TMEM185B: variants seen among roughly 807,000 people sequenced by gnomAD.
TMEM185B encodes transmembrane protein 185B, also known as ee3_2.
TMEM185B carries 9 observed loss-of-function variants against 26.2 expected under a neutral mutation model. The ratio of observed to expected loss-of-function variants is 0.34; its 90% CI spans 0.21 to 0.60. The LOEUF (loss-of-function observed/expected upper bound fraction) is 0.60. Among genes scored for constraint, TMEM185B ranks in the 20% least tolerant of loss-of-function variants. The probability of loss-of-function intolerance (pLI) is 0.80; values close to 1 mark genes in which losing one functional copy is unlikely to be tolerated. For missense variants in TMEM185B, 392 were observed against 447.9 expected (o/e 0.88, Z 1.13); for synonymous variants, 204 against 191.8 (o/e 1.06, Z -0.52).
Position 120,222,657 on chromosome 2 carries a change from C to T in TMEM185B, c.320G>A (p.Arg107Lys). 6.5e-7 allele frequency: 1 copy of T among 1,536,478 alleles called. No homozygotes were observed. The highest frequency in any genetic ancestry group is 2.0e-5 in the Admixed American group (1 of 51,002). The change falls in exon 1 of 1, where the codon AGG becomes AAG. Residue 107 changes from arginine (R) to lysine (K), a missense_variant. Coordinates refer to ENST00000426077, the MANE Select transcript of TMEM185B (RefSeq NM_024121.3). ...FEVLVCDRVE[R>K]GTHFWLLVFM... ...GACCAGCAGCCAGAAGTGGGTGCCC[C>T]TCTCCACCCTGTCGCAGACCAGGAC...
In TMEM185B at chr2:120,221,707, G is replaced by A. The variant is rs1402035717; in HGVS notation, c.*217C>T. 1.8e-6 allele frequency: 1 copy of A among 550,622 alleles called. No individual in the cohort carries two copies. Among genetic ancestry groups the A allele is most frequent in the East Asian group, 3.0e-5 (1 of 33,752 alleles). 34.1% of individuals were successfully genotyped at this position (550,622 alleles called of 1,614,324 possible). ...TTACTGCCCCCAGCTACACCTGAAA[G>A]TGCGAACCTGGAAAGCAAGTCTCTT... On this transcript the variant is annotated 3_prime_UTR_variant, in exon 1 of 1. Transcript: ENST00000426077.
Position 120,219,898 on chromosome 2 carries a change from G to A in TMEM185B, c.*2026C>T, listed in dbSNP as rs911537261. On this transcript the variant is annotated 3_prime_UTR_variant, in exon 1 of 1. Coordinates refer to ENST00000426077, the MANE Select transcript of TMEM185B (RefSeq NM_024121.3). ...CACTGCCTGGCACCATGCTTGGCTC[G>A]GGGTAGGTCTTCAAGAAATATTGAG... Among the ~76,000 whole-genome samples the A allele has an allele frequency of 6.6e-6, 1 of 152,204 alleles. No homozygotes were observed. The highest frequency in any genetic ancestry group is 1.5e-5 in the Non-Finnish European group (1 of 68,024).
At position 120,219,080 on chromosome 2, in the gene TMEM185B, C is replaced by T. The variant is rs111446501; in HGVS notation, c.*2844G>A. On this transcript the variant is annotated 3_prime_UTR_variant, in exon 1 of 1. Coordinates refer to ENST00000426077, the MANE Select transcript of TMEM185B (RefSeq NM_024121.3). ...CTGCTTCAACCAGGGACCCAGAATA[C>T]GGGACATGTTGTGGAGCAGACGTGA... Among the ~76,000 whole-genome samples the T allele has an allele frequency of 0.026, 3,914 of 152,260 alleles. 151 individuals carry two copies. Among genetic ancestry groups the T allele is most frequent in the African/African-American group, 0.089 (3,688 of 41,534 alleles).
chr2:120,217,524 A>G lies in TMEM185B; in HGVS notation c.*4400T>C, dbSNP rs1476502538. ...TCATCCATTTGAAGACTATACATCC[A>G]TTACATGTTACCTTAAAAAAATTTT... On this transcript the variant is annotated 3_prime_UTR_variant, in exon 1 of 1. Transcript: ENST00000426077. 6.6e-6 allele frequency among the ~76,000 whole-genome samples: 1 copy of G among 152,214 alleles called. No individual in the cohort carries two copies. The highest frequency in any genetic ancestry group is 1.5e-5 in the Non-Finnish European group (1 of 68,050).
Position 120,223,261 on chromosome 2 carries a change from C to T in TMEM185B, c.-285G>A, listed in dbSNP as rs1461758957. On this transcript the variant is annotated 5_prime_UTR_variant, in exon 1 of 1. Transcript: ENST00000426077. The stretch of plus-strand genomic sequence containing the variant: ...GGCGCTGCCTCGGTCCCGCCGCCGC[C>T]CGCGTTCACTCCGTACCCATCAAGA... 3 of 255,540 alleles carry T rather than the reference C, an allele frequency of 1.2e-5. No homozygotes were observed. The highest frequency in any genetic ancestry group is 4.5e-5 in the African/African-American group (2 of 44,826). 15.8% of individuals were successfully genotyped at this position (255,540 alleles called of 1,614,324 possible).
chr2:120,223,143 C>G lies in TMEM185B; in HGVS notation c.-167G>C, dbSNP rs1369442534. On this transcript the variant is annotated 5_prime_UTR_variant, in exon 1 of 1. Transcript: ENST00000426077. Reference sequence around the variant, plus strand: ...GGTTCGGAGCGGCGAAGCGGAGAGGCCGGAACACGTGCACGCGCGGTCACG... The same window carrying G: ...GGTTCGGAGCGGCGAAGCGGAGAGGGCGGAACACGTGCACGCGCGGTCACG... The G allele has an allele frequency of 2.2e-6, 1 of 465,000 alleles. No individual in the cohort carries two copies. The highest frequency in any genetic ancestry group is 3.5e-6 in the Non-Finnish European group (1 of 289,166). The allele number at this position is 465,000 out of a possible 1,614,324, so 28.8% of individuals were successfully genotyped here.
chr2:120,223,203 C>G lies in TMEM185B; in HGVS notation c.-227G>C. The G allele has an allele frequency of 3.0e-6, 1 of 337,910 alleles. No homozygotes were observed. The highest frequency in any genetic ancestry group is 4.6e-5 in the East Asian group (1 of 21,924). 20.9% of individuals were successfully genotyped at this position (337,910 alleles called of 1,614,324 possible). ...CGGAAGCGCGCTGGGGTGTGGCGCG[C>G]GCGGGCACGGGCGGCGCGGCGGTTA... On this transcript the variant is annotated 5_prime_UTR_variant, in exon 1 of 1. Coordinates refer to ENST00000426077, the MANE Select transcript of TMEM185B (RefSeq NM_024121.3).
rs1358539651 is a variant in TMEM185B at position 120,218,911 on chromosome 2, T to C, written c.*3013A>G. ...GTGGACTGTGCTTGTTCCTTGGCCA[T>C]GCACTGCCTCACCCCACAGAGGTCA... is the stretch of plus-strand genomic sequence containing the variant. On this transcript the variant is annotated 3_prime_UTR_variant, in exon 1 of 1. Transcript: ENST00000426077. Among the ~76,000 whole-genome samples the C allele has an allele frequency of 5.3e-5, 8 of 152,152 alleles. No individual in the cohort carries two copies. Among genetic ancestry groups the C allele is most frequent in the Non-Finnish European group, 1.0e-4 (7 of 68,014 alleles).
At position 120,222,933 on chromosome 2, in the gene TMEM185B, A is replaced by C; in HGVS notation, c.44T>G (p.Phe15Cys). ...GLFQDFNPSK[F>C]LIYTCLLLFS... ...GAGCAGCAGGCAGGTGTAGATGAGA[A>C]ACTTACTGGGGTTGAAGTCCTGGAA... The change falls in exon 1 of 1, where the codon TTT becomes TGT. Residue 15 changes from phenylalanine to cysteine, a missense_variant. Physicochemically the swap from Phe to Cys is radical, Grantham distance 205 (BLOSUM62 -2). Coordinates refer to ENST00000426077, the MANE Select transcript of TMEM185B (RefSeq NM_024121.3). The C allele has an allele frequency of 6.9e-7, 1 of 1,445,584 alleles. No individual in the cohort carries two copies. Among genetic ancestry groups the C allele is most frequent in the Non-Finnish European group, 9.0e-7 (1 of 1,105,786 alleles). 89.5% of individuals were successfully genotyped at this position (1,445,584 alleles called of 1,614,324 possible). A position where few individuals can be genotyped will look rare whatever the true frequency, so the allele number is the denominator to read the frequency against.
rs1038902308 is a variant in TMEM185B at position 120,218,513 on chromosome 2, G to A, written c.*3411C>T. Among the ~76,000 whole-genome samples, 14 of 152,238 alleles carry A rather than the reference G, an allele frequency of 9.2e-5. No individual in the cohort carries two copies. The highest frequency in any genetic ancestry group is 2.4e-4 in the African/African-American group (10 of 41,470). On this transcript the variant is annotated 3_prime_UTR_variant, in exon 1 of 1. Transcript: ENST00000426077. ...CCTTCACTGAGTCAGGGCCCTGGCAGGGCCAGGTGGGGATGGCCTCCCTCA... is the reference window on the plus strand; with the variant it reads ...CCTTCACTGAGTCAGGGCCCTGGCAAGGCCAGGTGGGGATGGCCTCCCTCA...
In TMEM185B at chr2:120,223,095, G is replaced by GATGT; in HGVS notation, c.-120_-119insACAT. ...CCGCCCAAGCCGGCTCCGCGTGGACGAATGCCGGGACGACCAGGAGGAGGT... is the reference window on the plus strand; with the variant it reads ...CCGCCCAAGCCGGCTCCGCGTGGACGATGTAATGCCGGGACGACCAGGAGGAGGT... On this transcript the variant is annotated 5_prime_UTR_variant, in exon 1 of 1. Coordinates refer to ENST00000426077, the MANE Select transcript of TMEM185B (RefSeq NM_024121.3). 1 of 704,840 alleles carries GATGT rather than the reference G, an allele frequency of 1.4e-6. No homozygotes were observed. Among genetic ancestry groups the GATGT allele is most frequent in the Non-Finnish European group, 2.0e-6 (1 of 499,600 alleles). 43.7% of individuals were successfully genotyped at this position (704,840 alleles called of 1,614,324 possible).
At position 120,218,513 on chromosome 2, in the gene TMEM185B, GGGCC is replaced by G. The variant is rs1275313060; in HGVS notation, c.*3407_*3410del. Among the ~76,000 whole-genome samples the G allele has an allele frequency of 3.3e-5, 5 of 152,238 alleles. No homozygotes were observed. Among genetic ancestry groups the G allele is most frequent in the African/African-American group, 1.2e-4 (5 of 41,470 alleles). On this transcript the variant is annotated 3_prime_UTR_variant, in exon 1 of 1. Transcript: ENST00000426077. The stretch of plus-strand genomic sequence containing the variant: ...CCTTCACTGAGTCAGGGCCCTGGCA[GGGCC>G]AGGTGGGGATGGCCTCCCTCACCGT...
At position 120,217,763 on chromosome 2, in the gene TMEM185B, A is replaced by T. The variant is rs894226891; in HGVS notation, c.*4161T>A. On this transcript the variant is annotated 3_prime_UTR_variant, in exon 1 of 1. Coordinates refer to ENST00000426077, the MANE Select transcript of TMEM185B (RefSeq NM_024121.3). ...GAGGACCCTCAGGGGTCCTTGGACC[A>T]CACTGCCGAGGGCATGGTGTGGCAG... Among the ~76,000 whole-genome samples, 1 of 152,192 alleles carries T rather than the reference A, an allele frequency of 6.6e-6. No individual in the cohort carries two copies. The highest frequency in any genetic ancestry group is 1.5e-5 in the Non-Finnish European group (1 of 68,034).
chr2:120,223,154 G>T lies in TMEM185B; in HGVS notation c.-178C>A, dbSNP rs1044278532. 2.8e-5 allele frequency: 12 copies of T among 426,272 alleles called. No homozygotes were observed. The highest frequency in any genetic ancestry group is 2.5e-4 in the African/African-American group (12 of 48,516). 26.4% of individuals were successfully genotyped at this position (426,272 alleles called of 1,614,324 possible). ...GCGAAGCGGAGAGGCCGGAACACGT[G>T]CACGCGCGGTCACGTGGCCCGGCCG... On this transcript the variant is annotated 5_prime_UTR_variant, in exon 1 of 1. Coordinates refer to ENST00000426077, the MANE Select transcript of TMEM185B (RefSeq NM_024121.3).
At position 120,219,224 on chromosome 2, in the gene TMEM185B, C is replaced by T. The variant is rs1688546158; in HGVS notation, c.*2700G>A. On this transcript the variant is annotated 3_prime_UTR_variant, in exon 1 of 1. Transcript: ENST00000426077. Reference sequence around the variant, plus strand: ...GTTTTGCAGCAAAAGCTGACTGATACATCACAGGAGAAATAGTTACAGAAT... The same window carrying T: ...GTTTTGCAGCAAAAGCTGACTGATATATCACAGGAGAAATAGTTACAGAAT... Among the ~76,000 whole-genome samples, 1 of 152,190 alleles carries T rather than the reference C, an allele frequency of 6.6e-6. No individual in the cohort carries two copies. Among genetic ancestry groups the T allele is most frequent in the Non-Finnish European group, 1.5e-5 (1 of 68,034 alleles).
Position 120,222,733 on chromosome 2 carries a change from T to C in TMEM185B, c.244A>G (p.Lys82Glu), listed in dbSNP as rs1018332091. 1.3e-6 allele frequency: 2 copies of C among 1,536,306 alleles called. No homozygotes were observed. Among genetic ancestry groups the C allele is most frequent in the African/African-American group, 2.7e-5 (2 of 73,058 alleles). ...RTEGEACVEF[K>E]AMLIAVGIHL... is the part of the protein sequence containing the mutation. ...ATGCCCACAGCGATCAGCATGGCTT[T>C]GAACTCCACACAGGCCTCTCCCTCG... Residue 82 changes from lysine to glutamate, a missense_variant, in exon 1 of 1, where the codon AAA becomes GAA. Physicochemically the swap from Lys to Glu is moderately conservative, Grantham distance 56 (BLOSUM62 1). This residue lies in a region of TMEM185B where 175 missense variants were observed against 169.1 expected (regional missense o/e 1.03). Coordinates refer to ENST00000426077, the MANE Select transcript of TMEM185B (RefSeq NM_024121.3).
At position 120,218,430 on chromosome 2, in the gene TMEM185B, T is replaced by C. The variant is rs1051000023; in HGVS notation, c.*3494A>G. On this transcript the variant is annotated 3_prime_UTR_variant, in exon 1 of 1. Transcript: ENST00000426077. ...CACAACTTCCCGGATCCCTGTGAAC[T>C]TGCTGGGCTTCATCCCATCTTTCCT... Among the ~76,000 whole-genome samples, 5 of 152,210 alleles carry C rather than the reference T, an allele frequency of 3.3e-5. No homozygotes were observed. Among genetic ancestry groups the C allele is most frequent in the African/African-American group, 1.2e-4 (5 of 41,448 alleles).
chr2:120,222,907 A>G lies in TMEM185B; in HGVS notation c.70T>C (p.Phe24Leu). 6.9e-7 allele frequency: 1 copy of G among 1,455,220 alleles called. No homozygotes were observed. The highest frequency in any genetic ancestry group is 1.4e-5 in the South Asian group (1 of 69,736). The allele number at this position is 1,455,220 out of a possible 1,614,324, so 90.1% of individuals were successfully genotyped here. ...KFLIYTCLLL[F>L]SVLLPLRLDG... Reference sequence around the variant, plus strand: ...AGGCGGAGGGGCAGCAGCACCGAGAAGAGCAGCAGGCAGGTGTAGATGAGA... The same window carrying G: ...AGGCGGAGGGGCAGCAGCACCGAGAGGAGCAGCAGGCAGGTGTAGATGAGA... The change falls in exon 1 of 1, where the codon TTC becomes CTC. Residue 24 changes from phenylalanine (F) to leucine (L), a missense_variant. By Grantham distance (22) the Phe-to-Leu change is conservative. Transcript: ENST00000426077.
In TMEM185B at chr2:120,222,874, T is replaced by A; in HGVS notation, c.103A>T (p.Ile35Phe). Residue 35 changes from isoleucine to phenylalanine, a missense_variant, in exon 1 of 1, where the codon ATC becomes TTC. By Grantham distance (21) the Ile-to-Phe change is conservative. Transcript: ENST00000426077. ...SVLLPLRLDG[I>F]IQWSYWAVFA... ...ACGGCCCAGTAGCTCCATTGGATGATGCCGTCCAGGCGGAGGGGCAGCAGC... is the reference window on the plus strand; with the variant it reads ...ACGGCCCAGTAGCTCCATTGGATGAAGCCGTCCAGGCGGAGGGGCAGCAGC... 6.8e-7 allele frequency: 1 copy of A among 1,473,446 alleles called. No individual in the cohort carries two copies. The highest frequency in any genetic ancestry group is 8.9e-7 in the Non-Finnish European group (1 of 1,119,912). 91.3% of individuals were successfully genotyped at this position (1,473,446 alleles called of 1,614,324 possible). A position where few individuals can be genotyped will look rare whatever the true frequency, so the allele number is the denominator to read the frequency against.
Sources: allele counts gnomAD v4.1 joint callset (sites outside exome capture counted in the v4.1 genomes callset), GRCh38; gene constraint gnomAD v4.1.1; regional missense constraint gnomAD v4.1.1; transcripts MANE v1.5; gene names NCBI Gene and HGNC (gene_info 2026-07-23, HGNC 2026-07-21).